Variants in RBFOX1 observed in about 807,000 individuals in gnomAD.
RBFOX1 encodes RNA binding fox-1 homolog 1, also known as RNA binding protein fox-1 homolog 1.
A neutral mutation model predicts 57.7 loss-of-function variants in RBFOX1; 8 were observed. The ratio of observed to expected loss-of-function variants is 0.14; its 90% CI spans 0.08 to 0.25. The LOEUF (loss-of-function observed/expected upper bound fraction) is 0.25, where lower values mean the gene tolerates loss of function less well. Among genes scored for constraint, RBFOX1 ranks in the 10% least tolerant of loss-of-function variants. RBFOX1 has a pLI of 1.00. For missense variants in RBFOX1, 611 were observed against 548.5 expected, an observed-to-expected ratio of 1.11 and a Z score of -1.14; for synonymous variants, 326 against 222.4, an observed-to-expected ratio of 1.47 and a Z score of -4.15.
intron 1 of RBFOX1, among the ~76,000 whole-genome samples, chr16:6,141,027 A>G (rs557128186): frequency 6.6e-6 from 1 of 152,160 alleles, no homozygotes; most frequent in Admixed American, 6.5e-5. Context: ...GCCCTCCCAC[A>G]TTGTTGTGAG....
chr16:5,987,185 T>C (rs2060301239), intron 4 of RBFOX1, among the ~76,000 whole-genome samples: 1 of 152,258 alleles, frequency 6.6e-6, no homozygotes, highest in African/African-American at 2.4e-5. Context: ...TATTGAATTG[T>C]TTGTTCACAT....
chr16:6,757,060 C>G (rs371513805), intron 3 of RBFOX1, among the ~76,000 whole-genome samples: 2 of 151,994 alleles, frequency 1.3e-5, no homozygotes, highest in East Asian at 1.9e-4. Context: ...CTTATTATCA[C>G]TAATTATGAG....
At chr16:5,809,515 A>T (rs1218341687) in intron 3 of RBFOX1, among the ~76,000 whole-genome samples, 1 of 152,248 alleles carries the variant, frequency 6.6e-6, no homozygotes, top group East Asian at 1.9e-4. Flanking sequence ...TGGACGAAGG[A>T]CATGAACAGA....
At chr16:6,957,341 C>T (rs1007865835) in intron 3 of RBFOX1, among the ~76,000 whole-genome samples, 1 of 151,962 alleles carries the variant, frequency 6.6e-6, no homozygotes, top group African/African-American at 2.4e-5. Flanking sequence ...CCATGTTAGC[C>T]AGGATGGTCT....
chr16:5,457,734 G>T (rs1296182387), intron 1 of RBFOX1, among the ~76,000 whole-genome samples: 1 of 152,194 alleles, frequency 6.6e-6, no homozygotes, highest in African/African-American at 2.4e-5. Context: ...TGCCCTGCTG[G>T]GGCCCAGTGT....
At chr16:6,562,301 C>G (rs1342301934) in intron 2 of RBFOX1, among the ~76,000 whole-genome samples, 1 of 152,198 alleles carries the variant, frequency 6.6e-6, no homozygotes, top group Admixed American at 6.5e-5. Flanking sequence ...ACTAATTGTA[C>G]AGAACAGTCA....
intron 4 of RBFOX1, among the ~76,000 whole-genome samples, chr16:7,290,786 C>A (rs1015228621): frequency 6.6e-6 from 1 of 152,176 alleles, no homozygotes; most frequent in African/African-American, 2.4e-5. Flanking sequence ...ACAAGGAACT[C>A]ACCATTAACA....
intron 12 of RBFOX1, among the ~76,000 whole-genome samples, chr16:7,654,428 A>T (rs2065829575): frequency 6.6e-6 from 1 of 152,188 alleles, no homozygotes; most frequent in African/African-American, 2.4e-5. Flanking sequence ...AGAGAAAATT[A>T]GGTGTTGAGT....
chr16:6,732,669 G>A (rs2068969078), intron 3 of RBFOX1, among the ~76,000 whole-genome samples: 1 of 152,206 alleles, frequency 6.6e-6, no homozygotes, highest in African/African-American at 2.4e-5. Context: ...TGAATGCTTA[G>A]CATTTACATA....
intron 3 of RBFOX1, among the ~76,000 whole-genome samples, chr16:6,890,813 A>C (rs1218851593): frequency 6.6e-6 from 1 of 152,198 alleles, no homozygotes; most frequent in South Asian, 2.1e-4. Context: ...GTGAAAAGTA[A>C]CTGGAACCAT....
chr16:5,925,068 C>A (rs1269053807), intron 4 of RBFOX1, among the ~76,000 whole-genome samples: 1 of 152,178 alleles, frequency 6.6e-6, no homozygotes, highest in Non-Finnish European at 1.5e-5. Context: ...GTCATCCATA[C>A]TTTCCCACCC....
rs1008924475 is a variant in RBFOX1, at chr16:7,414,711, G to A, written c.28-103436G>A. ...CAGTTCACTGCAACCTCCGCCTCCC[G>A]GGTTCAAGCGATTCTTGTGCCTCAG... On this transcript the variant is annotated intron_variant, in intron 4 of 15. Coordinates refer to ENST00000550418, the MANE Select transcript of RBFOX1 (RefSeq NM_018723.4). Among the ~76,000 whole-genome samples, 7 of 152,240 alleles carry A rather than the reference G, an allele frequency of 4.6e-5. No homozygotes were observed. In the South Asian group the frequency reaches 8.3e-4, roughly 18 times the overall value.
In RBFOX1 at chr16:7,191,055, C is replaced by G. The variant is rs559494230; in HGVS notation, c.27+138957C>G. ...AGATGATCAATCCTATTCGGGGACC[C>G]CTTGGATGTGAGTGTGATATCATTA... is the stretch of plus-strand genomic sequence containing the variant. On this transcript the variant is annotated intron_variant, in intron 4 of 15. Coordinates refer to ENST00000550418, the MANE Select transcript of RBFOX1 (RefSeq NM_018723.4). Among the ~76,000 whole-genome samples, 9 of 152,146 alleles carry G rather than the reference C, an allele frequency of 5.9e-5. No individual in the cohort carries two copies. In the South Asian group the frequency reaches 1.9e-3, roughly 32 times the overall value.
chr16:7,685,781 G>A (rs2075940129), intron 14 of RBFOX1, among the ~76,000 whole-genome samples: 1 of 152,074 alleles, frequency 6.6e-6, no homozygotes, highest in African/African-American at 2.4e-5. Context: ...CTGGGAACCT[G>A]TGCCTTGCTT....
At chr16:6,047,040 C>G (rs911881674) in intron 1 of RBFOX1, among the ~76,000 whole-genome samples, 5 of 152,022 alleles carry the variant, frequency 3.3e-5, no homozygotes, top group African/African-American at 1.2e-4. Flanking sequence ...CTGCTGCTGC[C>G]ATGGAGCTGA....
At chr16:6,575,978 A>C (rs1225918441) in intron 2 of RBFOX1, among the ~76,000 whole-genome samples, 1 of 152,142 alleles carries the variant, frequency 6.6e-6, no homozygotes. Context: ...GCGTTACATC[A>C]AAAAATAATT....
intron 4 of RBFOX1, among the ~76,000 whole-genome samples, chr16:7,285,822 T>C (rs866616635): frequency 3.0e-4 from 45 of 152,348 alleles, no homozygotes; most frequent in Middle Eastern, 3.4e-3. Context: ...TTAGCTCTTA[T>C]AAATAAAACT....
chr16:6,096,104 C>G (rs1305170060), intron 1 of RBFOX1, among the ~76,000 whole-genome samples: 2 of 152,198 alleles, frequency 1.3e-5, no homozygotes, highest in Non-Finnish European at 2.9e-5. Context: ...CAGAACATGG[C>G]TTGTTCATGG....
intron 4 of RBFOX1, among the ~76,000 whole-genome samples, chr16:6,006,243 C>A (rs961021246): frequency 3.3e-5 from 5 of 152,146 alleles, no homozygotes; most frequent in African/African-American, 1.2e-4. Context: ...TGAATCTGTA[C>A]TCTGGTTCCA....
Sources: allele counts gnomAD v4.1 joint callset (sites outside exome capture counted in the v4.1 genomes callset), GRCh38; gene constraint gnomAD v4.1.1; transcripts MANE v1.5; gene names NCBI Gene and HGNC (gene_info 2026-07-23, HGNC 2026-07-21).